The following MYT1L variants were observed in gnomAD, a reference collection of about 807,000 sequenced individuals.
MYT1L encodes the protein myelin transcription factor 1 like, also known as myelin transcription factor 1-like protein.
MYT1L carries 12 observed loss-of-function variants against 126.7 expected under a neutral mutation model. That is an observed-to-expected ratio of 0.09 (90% CI 0.06 to 0.15). The LOEUF is 0.15. Among genes scored for constraint, MYT1L ranks in the 10% least tolerant of loss-of-function variants. MYT1L has a pLI of 1.00. For synonymous variants in MYT1L, 541 were observed against 604.2 expected (o/e 0.90, Z 1.53); for missense variants, 979 against 1,585.2 (o/e 0.62, Z 6.49).
intron 19 of MYT1L, among the ~76,000 whole-genome samples, chr2:1,844,246 C>G (rs971125631): frequency 6.6e-6 from 1 of 152,114 alleles, no homozygotes; most frequent in African/African-American, 2.4e-5. Flanking sequence ...GAGTCCAGGG[C>G]CCCCCGCAGC....
intron 18 of MYT1L, among the ~76,000 whole-genome samples, chr2:1,878,702 G>T (rs923190282): frequency 6.6e-6 from 1 of 152,278 alleles, no homozygotes; most frequent in African/African-American, 2.4e-5. Context: ...ATCCCAGAAA[G>T]CTCCATCGGG....
chr2:2,166,076 G>A (rs929260666), intron 3 of MYT1L, among the ~76,000 whole-genome samples: 4 of 152,190 alleles, frequency 2.6e-5, no homozygotes, highest in Admixed American at 6.5e-5. Flanking sequence ...TTAGGCAGAC[G>A]TTGTTAACTA....
At chr2:2,126,801 G>A (rs147630479) in intron 3 of MYT1L, among the ~76,000 whole-genome samples, 1 of 152,278 alleles carries the variant, frequency 6.6e-6, no homozygotes, top group East Asian at 1.9e-4. Context: ...TGTGTATGAA[G>A]ATTTCTTAGA....
chr2:1,918,431 G>T (rs1385817089), intron 10 of MYT1L, among the ~76,000 whole-genome samples: 1 of 151,960 alleles, frequency 6.6e-6, no homozygotes, highest in African/African-American at 2.4e-5. Flanking sequence ...TTTTCTTTAG[G>T]GATTAGTTCT....
Position 1,919,710 on chromosome 2 carries a change from T to TTTTAA in MYT1L, c.1484-2376_1484-2372dup, listed in dbSNP as rs527947707. On this transcript the variant is annotated intron_variant, in intron 10 of 24. Transcript: ENST00000647738. ...TGGTGAGATAGTACCACAATTTTAG[T>TTTTAA]TTTAATTTAATTTAATTTAATATTA... is the stretch of plus-strand genomic sequence containing the variant. Among the ~76,000 whole-genome samples, 576 of 151,462 alleles carry TTTTAA rather than the reference T, an allele frequency of 3.8e-3. 6 individuals carry two copies. The highest frequency in any genetic ancestry group is 0.013 in the African/African-American group (553 of 41,536).
At chr2:1,807,764 A>G (rs1014217854) in intron 22 of MYT1L, among the ~76,000 whole-genome samples, 9 of 152,116 alleles carry the variant, frequency 5.9e-5, no homozygotes, top group Non-Finnish European at 1.3e-4. Flanking sequence ...TTTGGAAACA[A>G]AGGGCCAAGC....
chr2:1,869,764 T>C (rs1410941470), intron 18 of MYT1L, among the ~76,000 whole-genome samples: 1 of 152,108 alleles, frequency 6.6e-6, no homozygotes, highest in East Asian at 1.9e-4. Flanking sequence ...TATCCCAGTT[T>C]CAGAAAGAAG....
chr2:1,974,130 A>G (rs2060004556), intron 8 of MYT1L, among the ~76,000 whole-genome samples: 1 of 152,196 alleles, frequency 6.6e-6, no homozygotes, highest in Non-Finnish European at 1.5e-5. Context: ...ACTGCAACAC[A>G]GGGACTTACT....
intron 3 of MYT1L, among the ~76,000 whole-genome samples, chr2:2,105,002 T>C (rs1428929466): frequency 2.0e-5 from 3 of 152,172 alleles, no homozygotes; most frequent in Non-Finnish European, 4.4e-5. Flanking sequence ...AAATAATAGA[T>C]TGGATCATAG....
chr2:1,965,732 C>A (rs571539163), intron 8 of MYT1L, among the ~76,000 whole-genome samples: 1 of 152,208 alleles, frequency 6.6e-6, no homozygotes, highest in Non-Finnish European at 1.5e-5. Flanking sequence ...CAAGGCCTCA[C>A]GAATGCATGT....
intron 9 of MYT1L, among the ~76,000 whole-genome samples, chr2:1,941,373 T>A (rs2056624565): frequency 6.6e-6 from 1 of 152,208 alleles, no homozygotes; most frequent in South Asian, 2.1e-4. Flanking sequence ...CTGGGCAAGT[T>A]ACAAATCATT....
intron 3 of MYT1L, among the ~76,000 whole-genome samples, chr2:2,159,472 G>C (rs759569676): frequency 3.2e-4 from 48 of 152,056 alleles, no homozygotes; most frequent in Admixed American, 1.3e-3. Context: ...ACCAGGTGTG[G>C]TGTGGGATCT....
intron 2 of MYT1L, among the ~76,000 whole-genome samples, chr2:2,186,736 TTAAC>T (rs1329515319): frequency 6.6e-6 from 1 of 152,242 alleles, no homozygotes; most frequent in Non-Finnish European, 1.5e-5. Context: ...AAATCTATAA[TTAAC>T]AGATTGTTAT....
chr2:2,097,742 T>C (rs985409731), intron 3 of MYT1L, among the ~76,000 whole-genome samples: 1 of 152,130 alleles, frequency 6.6e-6, no homozygotes, highest in African/African-American at 2.4e-5. Context: ...CCGGTACTCA[T>C]CGGGTATATG....
At chr2:2,153,982 T>G (rs528564818) in intron 3 of MYT1L, among the ~76,000 whole-genome samples, 1 of 151,986 alleles carries the variant, frequency 6.6e-6, no homozygotes, top group Non-Finnish European at 1.5e-5. Context: ...GGCAGGCAAG[T>G]GAAGAAGAGA....
At chr2:1,901,247 C>T (rs1344429450) in intron 14 of MYT1L, among the ~76,000 whole-genome samples, 1 of 152,134 alleles carries the variant, frequency 6.6e-6, no homozygotes, top group Non-Finnish European at 1.5e-5. Flanking sequence ...AGAAAGAAAT[C>T]AGCCCACACG....
intron 18 of MYT1L, among the ~76,000 whole-genome samples, chr2:1,877,084 C>A (rs1160547733): frequency 6.6e-6 from 1 of 152,124 alleles, no homozygotes; most frequent in African/African-American, 2.4e-5. Flanking sequence ...TCCGCAAAGC[C>A]CTTCAGCATC....
At chr2:2,127,577 T>C (rs2081875526) in intron 3 of MYT1L, among the ~76,000 whole-genome samples, 1 of 152,210 alleles carries the variant, frequency 6.6e-6, no homozygotes, top group South Asian at 2.1e-4. Context: ...CCCCTCCCGG[T>C]AAGCAGCTGC....
intron 9 of MYT1L, among the ~76,000 whole-genome samples, chr2:1,933,969 A>ATTTT (rs920521570): frequency 6.3e-5 from 7 of 111,756 alleles, no homozygotes; most frequent in Non-Finnish European, 1.1e-4. Flanking sequence ...TCTAATTTTG[A>ATTTT]TTTTTTTTTT....
Sources: allele counts gnomAD v4.1 joint callset (sites outside exome capture counted in the v4.1 genomes callset), GRCh38; gene constraint gnomAD v4.1.1; transcripts MANE v1.5; gene names NCBI Gene and HGNC (gene_info 2026-07-23, HGNC 2026-07-21).